PVT1: variants seen among roughly 807,000 people sequenced by gnomAD.
The protein encoded by PVT1 is Pvt1 oncogene, also known as CXCR4/PVT1 fusion.
intron 4 of PVT1, chr8:128,049,051 C>A: frequency 2.2e-6 from 1 of 462,946 alleles, no homozygotes; most frequent in Non-Finnish European, 4.2e-6. Flanking sequence ...TTTTATCTGG[C>A]TTGGTAATAT....
intron 2 of PVT1, among the ~76,000 whole-genome samples, chr8:127,877,868 G>A (rs1165211197): frequency 6.6e-6 from 1 of 152,144 alleles, no homozygotes; most frequent in African/African-American, 2.4e-5. Flanking sequence ...TGAGGCTGCA[G>A]TGAGCCATGA....
chr8:128,077,063 G>A (rs1011166071), intron 5 of PVT1, among the ~76,000 whole-genome samples: 3 of 152,194 alleles, frequency 2.0e-5, no homozygotes, highest in African/African-American at 4.8e-5. Flanking sequence ...TCCCTAGGGG[G>A]CCCAATGAGG....
At chr8:127,981,339 G>T (rs1258997428) in intron 3 of PVT1, among the ~76,000 whole-genome samples, 1 of 152,186 alleles carries the variant, frequency 6.6e-6, no homozygotes, top group Admixed American at 6.5e-5. Flanking sequence ...GTGACCATGT[G>T]CAAAGCATTT....
intron 4 of PVT1, among the ~76,000 whole-genome samples, chr8:128,032,005 C>T (rs748619729): frequency 2.0e-4 from 31 of 152,150 alleles, no homozygotes; most frequent in Non-Finnish European, 4.4e-4. Context: ...ACAGCGATGG[C>T]GGTGGTGAAA....
At chr8:128,060,593 G>A (rs1476270321) in intron 4 of PVT1, among the ~76,000 whole-genome samples, 1 of 152,172 alleles carries the variant, frequency 6.6e-6, no homozygotes, top group African/African-American at 2.4e-5. Context: ...CTCATGGGAG[G>A]GAAGGAGACC....
chr8:127,815,163 CGCCATGTTG>C (rs1814644848), intron 2 of PVT1, among the ~76,000 whole-genome samples: 1 of 152,100 alleles, frequency 6.6e-6, no homozygotes, highest in African/African-American at 2.4e-5. Context: ...GACGGGGCTT[CGCCATGTTG>C]GCCAGGCTGG....
At position 127,908,936 on chromosome 8, in the gene PVT1, C is replaced by T. The variant is rs141216966; in HGVS notation, n.782+17938C>T. Reference sequence around the variant, plus strand: ...CAATTTCAGCTTTGAACCCAGCTGCCGGGTCTTCAAAGCCTGTTCTGACTT... The same window carrying T: ...CAATTTCAGCTTTGAACCCAGCTGCTGGGTCTTCAAAGCCTGTTCTGACTT... On this transcript the variant is annotated intron_variant and non_coding_transcript_variant, in intron 3 of 10. Coordinates refer to ENST00000651587, the Ensembl canonical transcript of PVT1. 3.9e-3 allele frequency among the ~76,000 whole-genome samples: 591 copies of T among 152,276 alleles called. 5 individuals are homozygous for T. Among genetic ancestry groups the T allele is most frequent in the African/African-American group, 0.013 (546 of 41,546 alleles).
At chr8:127,843,505 C>T (rs921511474) in intron 2 of PVT1, among the ~76,000 whole-genome samples, 10 of 151,404 alleles carry the variant, frequency 6.6e-5, no homozygotes, top group African/African-American at 1.9e-4. Flanking sequence ...TGCAGTGGCG[C>T]GGTCTCGGCT....
Position 127,805,769 on chromosome 8 carries a change from A to G in PVT1, n.372+9698A>G, listed in dbSNP as rs764044598. Among the ~76,000 whole-genome samples, 4 of 152,190 alleles carry G rather than the reference A, an allele frequency of 2.6e-5. 1 individual carries two copies. The South Asian group carries it at 6.2e-4, about 24-fold the overall frequency. Reference sequence around the variant, plus strand: ...CAAGCAAATAGACAAAGAAAAAATAACATTATTGTAAGGAATATGAAATAA... The same window carrying G: ...CAAGCAAATAGACAAAGAAAAAATAGCATTATTGTAAGGAATATGAAATAA... On this transcript the variant is annotated intron_variant and non_coding_transcript_variant, in intron 2 of 10. Transcript: ENST00000651587.
Position 127,824,557 on chromosome 8 carries a change from G to A in PVT1, n.372+28486G>A, listed in dbSNP as rs77098152. Among the ~76,000 whole-genome samples, 192 of 152,276 alleles carry A rather than the reference G, an allele frequency of 1.3e-3. 2 individuals carry two copies. In the East Asian group the frequency reaches 0.032, roughly 26 times the overall value. ...GAGATTTTTCTTTGTAGAAAATGTG[G>A]GAAATGTTAAGAGTATAAGGAAGAA... On this transcript the variant is annotated intron_variant and non_coding_transcript_variant, in intron 2 of 10. Transcript: ENST00000651587.
At chr8:127,815,627 A>AGCTCTC in intron 2 of PVT1, among the ~76,000 whole-genome samples, 1 of 152,198 alleles carries the variant, frequency 6.6e-6, no homozygotes, top group Non-Finnish European at 1.5e-5. Context: ...CATGGCAGAA[A>AGCTCTC]TTCATCAGGG....
chr8:127,916,443 C>T (rs1266839812), intron 3 of PVT1, among the ~76,000 whole-genome samples: 1 of 152,060 alleles, frequency 6.6e-6, no homozygotes, highest in African/African-American at 2.4e-5. Flanking sequence ...GGTCAATGAC[C>T]TCAATGTGGG....
intron 2 of PVT1, among the ~76,000 whole-genome samples, chr8:127,850,709 C>T (rs1385753669): frequency 1.3e-5 from 2 of 152,164 alleles, no homozygotes; most frequent in Non-Finnish European, 2.9e-5. Flanking sequence ...TGTCACAGTG[C>T]CTTTTTAAGT....
chr8:127,873,767 T>A (rs1215373481), intron 2 of PVT1, among the ~76,000 whole-genome samples: 1 of 152,232 alleles, frequency 6.6e-6, no homozygotes, highest in African/African-American at 2.4e-5. Flanking sequence ...GAATCTTTGC[T>A]CCATTTCTCC....
intron 3 of PVT1, among the ~76,000 whole-genome samples, chr8:127,958,125 G>A (rs1816593809): frequency 6.6e-6 from 1 of 152,242 alleles, no homozygotes; most frequent in African/African-American, 2.4e-5. Context: ...TCTAAGTGTG[G>A]AGGAGGTTGT....
In PVT1 at chr8:127,851,819, G is replaced by A. The variant is rs1815110113; in HGVS notation, n.373-38770G>A. 3 of 152,486 alleles carry A rather than the reference G, an allele frequency of 2.0e-5. No individual in the cohort carries two copies. In the South Asian group the frequency reaches 6.2e-4, roughly 32 times the overall value. The allele number at this position is 152,486 out of a possible 1,614,324, so 9.4% of individuals were successfully genotyped here. On this transcript the variant is annotated intron_variant and non_coding_transcript_variant, in intron 2 of 10. Transcript: ENST00000651587. ...GAGGTTGGGATAAGGGGTCTTTCTG[G>A]GGGCTCTGTGCTCTGTGGCCCCTGC...
chr8:127,831,151 C>CTA (rs762910145), intron 2 of PVT1, among the ~76,000 whole-genome samples: 2,874 of 147,258 alleles, frequency 0.02, 77 homozygotes, highest in African/African-American at 0.06. Flanking sequence ...CTCTCTCTCT[C>CTA]TCTCTATATA....
At chr8:127,955,832 G>A (rs939840070) in intron 3 of PVT1, among the ~76,000 whole-genome samples, 2 of 152,072 alleles carry the variant, frequency 1.3e-5, no homozygotes, top group Non-Finnish European at 2.9e-5. Flanking sequence ...TGATCTGCCC[G>A]CCTCGGCCTC....
chr8:127,889,448 A>ATT (rs35522702), intron 2 of PVT1, among the ~76,000 whole-genome samples: 33 of 139,758 alleles, frequency 2.4e-4, no homozygotes, highest in African/African-American at 7.9e-4. Context: ...TTTTCCTGTG[A>ATT]TTTTTTTTTT....
Sources: allele counts gnomAD v4.1 joint callset (sites outside exome capture counted in the v4.1 genomes callset), GRCh38; gene constraint gnomAD v4.1.1; transcripts MANE v1.5; gene names NCBI Gene and HGNC (gene_info 2026-07-23, HGNC 2026-07-21).